NRXN1: variants seen among roughly 807,000 people sequenced by gnomAD.
NRXN1 encodes neurexin-1.
NRXN1 carries 39 observed loss-of-function variants against 150.9 expected under a neutral mutation model. The observed-to-expected ratio is 0.26, with a 90% CI of 0.20 to 0.34. The LOEUF (loss-of-function observed/expected upper bound fraction) is 0.34, where lower values mean the gene tolerates loss of function less well. Ranked by LOEUF, NRXN1 falls within the 10% of genes least tolerant of loss-of-function variation. NRXN1 has a pLI of 1.00. For synonymous variants in NRXN1, 924 were observed against 757.0 expected, an observed-to-expected ratio of 1.22 and a Z score of -3.62; for missense variants, 1,815 against 1,949.9, an observed-to-expected ratio of 0.93 and a Z score of 1.30.
intron 5 of NRXN1, among the ~76,000 whole-genome samples, chr2:50,735,170 A>C (rs1698581874): frequency 6.6e-6 from 1 of 152,182 alleles, no homozygotes; most frequent in Non-Finnish European, 1.5e-5. Context: ...TTAAGTAAAA[A>C]TTCACAAGTA....
intron 5 of NRXN1, among the ~76,000 whole-genome samples, chr2:50,865,746 T>C (rs529595832): frequency 6.8e-6 from 1 of 147,032 alleles, no homozygotes; most frequent in East Asian, 2.0e-4. Context: ...TGATAGTTTT[T>C]TTTTGGTGGT....
chr2:50,660,100 G>T (rs1018373703), intron 5 of NRXN1, among the ~76,000 whole-genome samples: 5 of 151,926 alleles, frequency 3.3e-5, no homozygotes, highest in African/African-American at 1.2e-4. Context: ...TTTACCCACT[G>T]GGGACTTGGA....
intron 8 of NRXN1, among the ~76,000 whole-genome samples, chr2:50,594,234 A>C (rs1321506011): frequency 6.6e-6 from 1 of 152,218 alleles, no homozygotes; most frequent in East Asian, 1.9e-4. Context: ...TCACAACTAT[A>C]GATATTCCCA....
intron 21 of NRXN1, among the ~76,000 whole-genome samples, chr2:49,986,688 G>A (rs1333174474): frequency 6.6e-6 from 1 of 152,198 alleles, no homozygotes; most frequent in East Asian, 1.9e-4. Context: ...TCAAATAAGT[G>A]TAATTAGCAT....
intron 21 of NRXN1, among the ~76,000 whole-genome samples, chr2:49,971,436 C>CA (rs770518361): frequency 6.6e-6 from 1 of 152,104 alleles, no homozygotes; most frequent in Non-Finnish European, 1.5e-5. Context: ...CAGTTGAGCC[C>CA]AAATGTTATT....
chr2:50,799,145 T>G (rs964402334), intron 5 of NRXN1, among the ~76,000 whole-genome samples: 3 of 152,194 alleles, frequency 2.0e-5, no homozygotes, highest in Admixed American at 6.6e-5. Flanking sequence ...TAAGCTAAAT[T>G]TCCTCTGTTC....
intron 17 of NRXN1, among the ~76,000 whole-genome samples, chr2:50,444,985 A>G (rs2086275247): frequency 6.6e-6 from 1 of 152,108 alleles, no homozygotes; most frequent in Non-Finnish European, 1.5e-5. Flanking sequence ...CCCTCATCTC[A>G]GCATTTATAA....
intron 8 of NRXN1, 90 bp from the exon 9 acceptor site, chr2:50,553,115 T>C (rs1667766536): frequency 1.1e-6 from 1 of 893,630 alleles, no homozygotes; most frequent in African/African-American, 1.7e-5. Flanking sequence ...AACGACATCA[T>C]AAAAAGGCAC....
intron 5 of NRXN1, among the ~76,000 whole-genome samples, chr2:50,776,700 A>T (rs1703695028): frequency 6.6e-6 from 1 of 151,718 alleles, no homozygotes; most frequent in Non-Finnish European, 1.5e-5. Flanking sequence ...GCCATCAGAG[A>T]ACATTTCATT....
intron 21 of NRXN1, among the ~76,000 whole-genome samples, chr2:49,964,110 C>T (rs1332069833): frequency 4.6e-5 from 7 of 152,190 alleles, no homozygotes; most frequent in African/African-American, 1.7e-4. Flanking sequence ...AAGCTATTTT[C>T]TGGAAGCCAA....
chr2:50,902,847 C>T (rs2103974727), intron 5 of NRXN1, among the ~76,000 whole-genome samples: 1 of 152,090 alleles, frequency 6.6e-6, no homozygotes, highest in Admixed American at 6.5e-5. Context: ...ATGCTTTTTA[C>T]AAGTCAAAAA....
At chr2:50,989,738 A>G (rs1470163020) in intron 2 of NRXN1, among the ~76,000 whole-genome samples, 2 of 152,068 alleles carry the variant, frequency 1.3e-5, no homozygotes, top group South Asian at 2.1e-4. Flanking sequence ...TTTATCAATT[A>G]TAAATAAAAC....
chr2:50,862,573 C>T (rs1676299720), intron 5 of NRXN1, among the ~76,000 whole-genome samples: 1 of 152,018 alleles, frequency 6.6e-6, no homozygotes, highest in Admixed American at 6.6e-5. Flanking sequence ...ATTTCAGGTC[C>T]AATCCCATTG....
intron 5 of NRXN1, among the ~76,000 whole-genome samples, chr2:50,641,243 T>C (rs1404601451): frequency 6.6e-6 from 1 of 152,184 alleles, no homozygotes; most frequent in Non-Finnish European, 1.5e-5. Flanking sequence ...AAGGCTTTAA[T>C]ACATTTTTGC....
chr2:50,387,083 G>C (rs2081376979), intron 17 of NRXN1, among the ~76,000 whole-genome samples: 1 of 152,066 alleles, frequency 6.6e-6, no homozygotes. Flanking sequence ...TGATCATATA[G>C]GGTCTGATTC....
At chr2:50,738,406 A>G (rs1699028473) in intron 5 of NRXN1, among the ~76,000 whole-genome samples, 1 of 152,218 alleles carries the variant, frequency 6.6e-6, no homozygotes, top group Admixed American at 6.5e-5. Context: ...GACTGCCTTT[A>G]AACAATACAG....
chr2:50,878,854 C>G (rs2103655676), intron 5 of NRXN1, among the ~76,000 whole-genome samples: 1 of 151,982 alleles, frequency 6.6e-6, no homozygotes, highest in South Asian at 2.1e-4. Flanking sequence ...TTTTGCTTCC[C>G]CAAAGATTCT....
chr2:50,487,208 T>C lies in NRXN1; in HGVS notation c.3070+8697A>G, dbSNP rs192148357. ...AGGATGATGGTGATGATGATGGTGA[T>C]AGTGATATACCCTGCCTAAGGAAAT... is the stretch of plus-strand genomic sequence containing the variant. On this transcript the variant is annotated intron_variant, in intron 15 of 22. Transcript: ENST00000401669. Among the ~76,000 whole-genome samples, 467 of 152,278 alleles carry C rather than the reference T, an allele frequency of 3.1e-3. 1 individual carries two copies. The highest frequency in any genetic ancestry group is 0.011 in the African/African-American group (452 of 41,546).
chr2:50,203,175 G>C (rs1559084035), intron 18 of NRXN1, among the ~76,000 whole-genome samples: 1 of 152,126 alleles, frequency 6.6e-6, no homozygotes, highest in African/African-American at 2.4e-5. Context: ...TTCAGTTCTT[G>C]GGGTCAAAGA....
Sources: allele counts gnomAD v4.1 joint callset (sites outside exome capture counted in the v4.1 genomes callset), GRCh38; gene constraint gnomAD v4.1.1; transcripts MANE v1.5; gene names NCBI Gene and HGNC (gene_info 2026-07-23, HGNC 2026-07-21).